The following NRG1 variants were observed in gnomAD, a reference collection of about 807,000 sequenced individuals.
NRG1 encodes pro-neuregulin-1, membrane-bound isoform.
NRG1 carries 18 observed loss-of-function variants against 63.8 expected under a neutral mutation model. The ratio of observed to expected loss-of-function variants is 0.28; its 90% CI spans 0.19 to 0.42. The LOEUF is 0.42. Ranked by LOEUF, NRG1 falls within the 10% of genes least tolerant of loss-of-function variation. The probability of loss-of-function intolerance (pLI) is 1.00; values close to 1 mark genes in which losing one functional copy is unlikely to be tolerated. For missense variants in NRG1, 762 were observed against 814.7 expected, an observed-to-expected ratio of 0.94 and a Z score of 0.79; for synonymous variants, 302 against 301.3, an observed-to-expected ratio of 1.00 and a Z score of -0.02.
chr8:31,853,335 T>C (rs1827466523), intron 1 of NRG1, among the ~76,000 whole-genome samples: 1 of 151,238 alleles, frequency 6.6e-6, no homozygotes, highest in Admixed American at 6.6e-5. Context: ...ACATCCCTTG[T>C]AAGTTGGATT....
intron 1 of NRG1, among the ~76,000 whole-genome samples, chr8:31,898,978 T>C (rs1421443416): frequency 6.6e-6 from 1 of 152,238 alleles, no homozygotes; most frequent in Non-Finnish European, 1.5e-5. Flanking sequence ...GCCTTTCACT[T>C]GCATGGCTTT....
At chr8:31,686,540 T>C (rs1241396894) in intron 1 of NRG1, among the ~76,000 whole-genome samples, 8 of 152,214 alleles carry the variant, frequency 5.3e-5, no homozygotes. Context: ...ACATACCATT[T>C]TGATGTCTAA....
In NRG1 at chr8:31,660,985, T is replaced by C. The variant is rs532226314; in HGVS notation, c.37+21554T>C. Among the ~76,000 whole-genome samples the C allele has an allele frequency of 3.3e-4, 50 of 152,330 alleles. No homozygotes were observed. In the South Asian group the frequency reaches 0.01, roughly 32 times the overall value. On this transcript the variant is annotated intron_variant, in intron 1 of 10. Coordinates refer to the NRG1 transcript ENST00000519301. ...GTACCTAAGTATTTATAAATTTTTCTGACATGTTATTGCTTCTGGATTATA... is the reference window on the plus strand; with the variant it reads ...GTACCTAAGTATTTATAAATTTTTCCGACATGTTATTGCTTCTGGATTATA...
At chr8:32,685,939 A>C (rs1809993554) in intron 5 of NRG1, among the ~76,000 whole-genome samples, 1 of 152,218 alleles carries the variant, frequency 6.6e-6, no homozygotes, top group Non-Finnish European at 1.5e-5. Flanking sequence ...AACATATTTG[A>C]GTATTTATAG....
chr8:31,720,114 C>G (rs138275444), intron 1 of NRG1, among the ~76,000 whole-genome samples: 1 of 151,998 alleles, frequency 6.6e-6, no homozygotes, highest in Non-Finnish European at 1.5e-5. Flanking sequence ...TTTAATTTAA[C>G]GCTTGTTTGT....
At chr8:31,891,671 A>G (rs1831156021) in intron 1 of NRG1, among the ~76,000 whole-genome samples, 1 of 152,196 alleles carries the variant, frequency 6.6e-6, no homozygotes, top group African/African-American at 2.4e-5. Flanking sequence ...GTGTTCACAT[A>G]GAAACCTGTA....
At chr8:31,949,684 C>G (rs1398483112) in intron 1 of NRG1, among the ~76,000 whole-genome samples, 1 of 152,168 alleles carries the variant, frequency 6.6e-6, no homozygotes, top group Non-Finnish European at 1.5e-5. Context: ...TCTGGGTCAT[C>G]TTCTCTTGCC....
At chr8:32,347,698 C>G (rs1805087717) in intron 1 of NRG1, among the ~76,000 whole-genome samples, 1 of 152,130 alleles carries the variant, frequency 6.6e-6, no homozygotes, top group East Asian at 1.9e-4. Context: ...TGTCTCCAGA[C>G]TTTTAACAGC....
At position 32,562,815 on chromosome 8, in the gene NRG1, CAG is replaced by C. The variant is rs1202140722; in HGVS notation, c.100+13992_100+13993del. ...CTGTTCTGGGCAGCAGTCAAGAAGACAGAGGAGGACTAACTGTATATGATTTG... is the reference window on the plus strand; with the variant it reads ...CTGTTCTGGGCAGCAGTCAAGAAGACAGGAGGACTAACTGTATATGATTTG... On this transcript the variant is annotated intron_variant, in intron 1 of 11. Transcript: ENST00000356819. 2.0e-5 allele frequency among the ~76,000 whole-genome samples: 3 copies of C among 152,056 alleles called. No individual in the cohort carries two copies. The East Asian group carries it at 5.8e-4, about 29-fold the overall frequency.
At chr8:32,446,375 C>G (rs557965689) in intron 1 of NRG1, among the ~76,000 whole-genome samples, 1 of 152,232 alleles carries the variant, frequency 6.6e-6, no homozygotes, top group African/African-American at 2.4e-5. Context: ...AATTTCTTGA[C>G]TAGGCACGAT....
At chr8:31,918,978 G>T (rs1479290433) in intron 1 of NRG1, among the ~76,000 whole-genome samples, 1 of 152,126 alleles carries the variant, frequency 6.6e-6, no homozygotes, top group African/African-American at 2.4e-5. Context: ...AGATTTTCTA[G>T]TTTATTTGCA....
At chr8:32,751,428 T>G (rs1311197491) in intron 7 of NRG1, among the ~76,000 whole-genome samples, 1 of 152,200 alleles carries the variant, frequency 6.6e-6, no homozygotes, top group African/African-American at 2.4e-5. Context: ...TAGCCCTGTC[T>G]GTCTCTAATT....
chr8:32,148,755 C>A (rs1021837542), intron 1 of NRG1, among the ~76,000 whole-genome samples: 11 of 152,176 alleles, frequency 7.2e-5, no homozygotes, highest in Admixed American at 7.2e-4. Context: ...TATGTAGACA[C>A]CCTTTCAATA....
intron 5 of NRG1, among the ~76,000 whole-genome samples, chr8:32,659,149 T>TTCTTTTC (rs200835598): frequency 2.1e-5 from 3 of 145,280 alleles, no homozygotes; most frequent in African/African-American, 8.0e-5. Context: ...TTCTTTTCTT[T>TTCTTTTC]TTTTTTTTTT....
intron 1 of NRG1, among the ~76,000 whole-genome samples, chr8:31,794,371 T>C (rs1199694212): frequency 2.6e-5 from 4 of 151,910 alleles, no homozygotes; most frequent in African/African-American, 9.7e-5. Flanking sequence ...ATTGGATACT[T>C]ACCACATCTA....
chr8:32,492,214 C>T (rs1397791733), intron 1 of NRG1, among the ~76,000 whole-genome samples: 2 of 152,044 alleles, frequency 1.3e-5, no homozygotes, highest in Non-Finnish European at 2.9e-5. Context: ...AGCACATGCT[C>T]AAGGTGGCCA....
intron 1 of NRG1, among the ~76,000 whole-genome samples, chr8:31,929,855 C>T (rs193185775): frequency 6.6e-6 from 1 of 152,242 alleles, no homozygotes; most frequent in East Asian, 1.9e-4. Context: ...TTGTTATTTA[C>T]TGGCTTGTCA....
chr8:31,640,056 C>A lies in NRG1; in HGVS notation c.37+625C>A. 1 of 1,139,038 alleles carries A rather than the reference C, an allele frequency of 8.8e-7. No individual in the cohort carries two copies. The highest frequency in any genetic ancestry group is 4.4e-5 in the East Asian group (1 of 22,504). 70.6% of individuals were successfully genotyped at this position (1,139,038 alleles called of 1,614,324 possible). On this transcript the variant is annotated intron_variant, in intron 1 of 10. Coordinates refer to the NRG1 transcript ENST00000519301. This position sits in a 1 kb window ranked among gnomAD's most constrained non-coding sequence, Gnocchi z 6.3. Reference sequence around the variant, plus strand: ...GGGCCCAGCGCCCCGGCTCCGCCGCCCGCTCGTCGCCGCCGCTGCCGCTGC... The same window carrying A: ...GGGCCCAGCGCCCCGGCTCCGCCGCACGCTCGTCGCCGCCGCTGCCGCTGC...
At chr8:32,284,520 T>G (rs193258555) in intron 1 of NRG1, among the ~76,000 whole-genome samples, 1 of 151,330 alleles carries the variant, frequency 6.6e-6, no homozygotes, top group Non-Finnish European at 1.5e-5. Context: ...CCTTCCTTCC[T>G]TCCTTCCTTC....
Sources: gnomAD v4.1 joint callset for allele counts (sites outside exome capture counted in the v4.1 genomes callset) on GRCh38, gnomAD v4.1.1 for gene constraint, Gnocchi (gnomAD v3.1) non-coding constraint, MANE v1.5 for transcripts, NCBI Gene and HGNC (gene_info 2026-07-23, HGNC 2026-07-21) for gene names.